BTN3A3: variants seen among roughly 807,000 people sequenced by gnomAD.
BTN3A3 encodes the protein butyrophilin 3.
A neutral mutation model predicts 43.2 loss-of-function variants in BTN3A3; 39 were observed. The observed-to-expected ratio is 0.90, with a 90% CI of 0.70 to 1.18. The LOEUF is 1.18. BTN3A3 is among the 50% of genes most tolerant of loss of function. The probability of loss-of-function intolerance (pLI) is 0.00; values close to 1 mark genes in which losing one functional copy is unlikely to be tolerated. For missense variants in BTN3A3, 631 were observed against 722.8 expected (o/e 0.87, Z 1.46); for synonymous variants, 255 against 272.7 (o/e 0.93, Z 0.64).
At chr6:26,448,197 G>A in intron 5 of BTN3A3, 51 bp from the exon 6 acceptor site, 2 of 1,592,500 alleles carry the variant, frequency 1.3e-6, no homozygotes, top group Non-Finnish European at 1.7e-6. Context: ...TGCTGAGGCT[G>A]GGGAGGCTGA....
intron 9 of BTN3A3, 147 bp downstream of exon 9, chr6:26,449,835 C>T: frequency 9.0e-7 from 1 of 1,108,566 alleles, no homozygotes; most frequent in African/African-American, 1.6e-5. Flanking sequence ...GGGTTGACTT[C>T]TGCTTTTCTG....
At position 26,448,573 on chromosome 6, in the gene BTN3A3, C is replaced by T. The variant is rs759750443; in HGVS notation, c.917-44C>T. On this transcript the variant is annotated intron_variant, in intron 6 of 10. Transcript: ENST00000244519. Reference sequence around the variant, plus strand: ...TTATTTTCCCAAAACCCCCCTTACCCATAACTGTTCTTTTTTTCTTTTCTT... The same window carrying T: ...TTATTTTCCCAAAACCCCCCTTACCTATAACTGTTCTTTTTTTCTTTTCTT... 1.9e-6 allele frequency: 3 copies of T among 1,613,634 alleles called. No individual in the cohort carries two copies. The South Asian group carries it at 3.3e-5, about 18-fold the overall frequency.
In BTN3A3 at chr6:26,443,635, G is replaced by T; in HGVS notation, c.61G>T (p.Val21Phe). 1 of 1,614,138 alleles carries T rather than the reference G, an allele frequency of 6.2e-7. No individual in the cohort carries two copies. Residue 21 changes from valine to phenylalanine, a missense_variant, in exon 3 of 11, where the codon GTC (valine) becomes TTC (phenylalanine). Transcript: ENST00000244519. Reference protein sequence around the residue: ...LLNFHVSLFLVQLLTPCSAQF... With the variant: ...LLNFHVSLFLFQLLTPCSAQF... ...CAACTTTCATGTCTCCCTCTTCTTG[G>T]TCCAGCTGCTCACTCCTTGCTCAGG...
chr6:26,450,138 G>A lies in BTN3A3; in HGVS notation c.1018+5G>A. ...AAATGGCCCTCTTCAAACCTGGTGA[G>A]TAAATCACTGTATGTTCCCTGGATC... is the stretch of plus-strand genomic sequence containing the variant. On this transcript the variant is annotated splice_donor_5th_base_variant and intron_variant, in intron 10 of 10. Transcript: ENST00000244519. The A allele has an allele frequency of 6.2e-7, 1 of 1,612,716 alleles. No homozygotes were observed. Among genetic ancestry groups the A allele is most frequent in the Non-Finnish European group, 8.5e-7 (1 of 1,178,740 alleles).
chr6:26,443,459 T>C lies in BTN3A3; in HGVS notation c.-6+17T>C. ...TTGGCAGAGGTAAGATCTTCTTTGG[T>C]CACCATACTTGAGTTAGCCCTGGGG... On this transcript the variant is annotated intron_variant, in intron 2 of 10. Transcript: ENST00000244519. The C allele has an allele frequency of 6.5e-7, 1 of 1,543,722 alleles. No homozygotes were observed. The highest frequency in any genetic ancestry group is 1.7e-4 in the Middle Eastern group (1 of 5,776).
chr6:26,443,956 G>C lies in BTN3A3; in HGVS notation c.86-1G>C. 6.2e-7 allele frequency: 1 copy of C among 1,613,892 alleles called. No homozygotes were observed. Among genetic ancestry groups the C allele is most frequent in the Non-Finnish European group, 8.5e-7 (1 of 1,179,844 alleles). On this transcript the variant is annotated splice_acceptor_variant, in intron 3 of 10. Coordinates refer to ENST00000244519, the MANE Select transcript of BTN3A3 (RefSeq NM_006994.5). LOFTEE classifies it high-confidence loss of function. The stretch of plus-strand genomic sequence containing the variant: ...ATGGAGCTTCCCCCTTGTGCTGACA[G>C]CTCAGTTTTCTGTGCTTGGACCCTC...
In BTN3A3 at chr6:26,452,021, T is replaced by C. The variant is rs370056298; in HGVS notation, c.1365T>C (p.Pro455=). Residue 455 remains proline, a synonymous_variant, in exon 11 of 11, where the codon CCT becomes CCC. Transcript: ENST00000244519. Reference sequence around the variant, plus strand: ...AGCCCAGAACCAACCTGAAACTTCCTGAGCCTCCTAGGAAAGTGGGGATCT... The same window carrying C: ...AGCCCAGAACCAACCTGAAACTTCCCGAGCCTCCTAGGAAAGTGGGGATCT... The part of the protein sequence containing the change: ...LTEPRTNLKL[P]EPPRKVGIFL... 6.2e-7 allele frequency: 1 copy of C among 1,614,072 alleles called. No individual in the cohort carries two copies. The highest frequency in any genetic ancestry group is 1.3e-5 in the African/African-American group (1 of 74,930).
At chr6:26,448,703 C>G in intron 7 of BTN3A3, 25 bp from the exon 8 acceptor site, 1 of 1,614,048 alleles carries the variant, frequency 6.2e-7, no homozygotes, top group Non-Finnish European at 8.5e-7. Flanking sequence ...ACCTTGATAA[C>G]CCTTCCCTAT....
chr6:26,451,946 A>G lies in BTN3A3; in HGVS notation c.1290A>G (p.Gly430=). ...GGGTCAAAATGACACCGGAGAACGGATACTGGACTATGGGCCTGACTGATG... is the reference window on the plus strand; with the variant it reads ...GGGTCAAAATGACACCGGAGAACGGGTACTGGACTATGGGCCTGACTGATG... ...KGWVKMTPEN[G]YWTMGLTDGN... The change falls in exon 11 of 11, where the codon GGA becomes GGG. Residue 430 remains glycine, a synonymous_variant. Transcript: ENST00000244519. 1 of 1,614,142 alleles carries G rather than the reference A, an allele frequency of 6.2e-7. No individual in the cohort carries two copies. The highest frequency in any genetic ancestry group is 8.5e-7 in the Non-Finnish European group (1 of 1,180,016).
intron 5 of BTN3A3, among the ~76,000 whole-genome samples, chr6:26,446,864 G>A (rs1466244834): frequency 6.6e-6 from 1 of 152,124 alleles, no homozygotes; most frequent in Non-Finnish European, 1.5e-5. Flanking sequence ...CAGTAGCTGG[G>A]ATTACAAGCA....
Position 26,452,392 on chromosome 6 carries a change from G to A in BTN3A3, c.1736G>A (p.Arg579His), listed in dbSNP as rs144256388. 8.6e-5 allele frequency: 138 copies of A among 1,600,308 alleles called. No individual in the cohort carries two copies. The highest frequency in any genetic ancestry group is 1.3e-4 in the South Asian group (12 of 90,706). Residue 579 changes from arginine to histidine, a missense_variant, in exon 11 of 11, where the codon CGC (arginine) becomes CAC (histidine). Arg to His is a conservative substitution (Grantham distance 29, BLOSUM62 0). Around this residue, in one of 2 missense-constraint regions of BTN3A3, gnomAD observed 551 missense variants for 584.0 expected, o/e 0.94. Transcript: ENST00000244519. ...AATCAGAACCATAAGCTACAGGCAC[G>A]CACTGAAGCACTTTACTGATATTCA... is the stretch of plus-strand genomic sequence containing the variant. ...TTNQNHKLQA[R>H]TEALY
Position 26,451,710 on chromosome 6 carries a change from A to G in BTN3A3, c.1054A>G (p.Ile352Val). ...VILDPDTANA[I>V]LLVSEDQRSV... is the part of the protein sequence containing the mutation. ...TCTGGATCCAGACACGGCAAACGCC[A>G]TCCTCCTTGTTTCTGAGGACCAGAG... Residue 352 changes from isoleucine (I) to valine (V), a missense_variant, in exon 11 of 11, where the codon ATC (isoleucine) becomes GTC (valine). Transcript: ENST00000244519. 6.2e-7 allele frequency: 1 copy of G among 1,614,022 alleles called. No individual in the cohort carries two copies. The highest frequency in any genetic ancestry group is 8.5e-7 in the Non-Finnish European group (1 of 1,179,922).
intron 1 of BTN3A3, among the ~76,000 whole-genome samples, chr6:26,441,974 T>A (rs1561859677): frequency 6.6e-6 from 1 of 152,226 alleles, no homozygotes; most frequent in Non-Finnish European, 1.5e-5. Context: ...ATAAAAATGA[T>A]ACCCCTTCTA....
rs1762696313 is a variant in BTN3A3, at chr6:26,443,565, T to C, written c.-5-5T>C. On this transcript the variant is annotated splice_region_variant and splice_polypyrimidine_tract_variant and intron_variant, in intron 2 of 10. Transcript: ENST00000244519. ...CCACACCTTCTGGTATCTCTTGATATGCAGCATAGATGAAAATGGCAAGTT... is the reference window on the plus strand; with the variant it reads ...CCACACCTTCTGGTATCTCTTGATACGCAGCATAGATGAAAATGGCAAGTT... The C allele has an allele frequency of 4.3e-6, 7 of 1,614,098 alleles. No homozygotes were observed. The highest frequency in any genetic ancestry group is 5.9e-6 in the Non-Finnish European group (7 of 1,179,952).
chr6:26,445,614 T>A, intron 4 of BTN3A3, 90 bp from the exon 5 acceptor site: 1 of 1,449,352 alleles, frequency 6.9e-7, no homozygotes, highest in Middle Eastern at 1.8e-4. Flanking sequence ...CTTCCTTGGA[T>A]TATCAAATGT....
Position 26,452,244 on chromosome 6 carries a change from C to G in BTN3A3, c.1588C>G (p.His530Asp), listed in dbSNP as rs1287272899. The change falls in exon 11 of 11, where the codon CAT (histidine) becomes GAT (aspartate). Residue 530 changes from histidine to aspartate, a missense_variant. By Grantham distance (81) the His-to-Asp change is moderately conservative (BLOSUM62 -1). Transcript: ENST00000244519. ...SSPDPDLVPD[H>D]SLETPLTPGL... ...CCCCGATCCTGACCTAGTGCCTGATCATTCCCTGGAGACACCACTGACCCC... is the reference window on the plus strand; with the variant it reads ...CCCCGATCCTGACCTAGTGCCTGATGATTCCCTGGAGACACCACTGACCCC... 6.2e-7 allele frequency: 1 copy of G among 1,614,162 alleles called. No homozygotes were observed. Among genetic ancestry groups the G allele is most frequent in the Non-Finnish European group, 8.5e-7 (1 of 1,180,038 alleles).
intron 8 of BTN3A3, chr6:26,449,319 A>T: frequency 3.5e-6 from 1 of 281,776 alleles, no homozygotes; most frequent in Non-Finnish European, 6.6e-6. Context: ...GTAGGAAATG[A>T]TACAGATTGA....
At position 26,443,629 on chromosome 6, in the gene BTN3A3, T is replaced by C. The variant is rs1006302093; in HGVS notation, c.55T>C (p.Phe19Leu). The C allele has an allele frequency of 2.4e-5, 38 of 1,614,160 alleles. No individual in the cohort carries two copies. The highest frequency in any genetic ancestry group is 6.7e-5 in the East Asian group (3 of 44,862). ...FLLLNFHVSLFLVQLLTPCSA... is the reference protein window; with the variant it reads ...FLLLNFHVSLLLVQLLTPCSA... ...TCTGCTCAACTTTCATGTCTCCCTC[T>C]TCTTGGTCCAGCTGCTCACTCCTTG... The change falls in exon 3 of 11, where the codon TTC becomes CTC. Residue 19 changes from phenylalanine (F) to leucine (L), a missense_variant. By Grantham distance (22) the Phe-to-Leu change is conservative (BLOSUM62 0). Transcript: ENST00000244519.
In BTN3A3 at chr6:26,445,869, G is replaced by C. The variant is rs778010971; in HGVS notation, c.599G>C (p.Gly200Ala). The change falls in exon 5 of 11, where the codon GGC becomes GCC. Residue 200 changes from glycine to alanine, a missense_variant. Gly to Ala is a moderately conservative substitution (Grantham distance 60). This residue lies in a region of BTN3A3 where 551 missense variants were observed against 584.0 expected (regional missense o/e 0.94). Coordinates refer to ENST00000244519, the MANE Select transcript of BTN3A3 (RefSeq NM_006994.5). ...GCACCTGTGGTTGCAGATGGAGTGGGCCTGTATGCAGTAGCAGCATCTGTG... is the reference window on the plus strand; with the variant it reads ...GCACCTGTGGTTGCAGATGGAGTGGCCCTGTATGCAGTAGCAGCATCTGTG... ...VEAPVVADGV[G>A]LYAVAASVIM... 6.2e-7 allele frequency: 1 copy of C among 1,614,086 alleles called. No homozygotes were observed. The highest frequency in any genetic ancestry group is 1.3e-5 in the African/African-American group (1 of 74,904).
Sources: allele counts gnomAD v4.1 joint callset (sites outside exome capture counted in the v4.1 genomes callset), GRCh38; gene constraint gnomAD v4.1.1; regional missense constraint gnomAD v4.1.1; transcripts MANE v1.5; gene names NCBI Gene and HGNC (gene_info 2026-07-23, HGNC 2026-07-21).